The following GFRA1 variants were observed in gnomAD, a reference collection of about 807,000 sequenced individuals.
GFRA1 encodes GDNF family receptor alpha 1.
A neutral mutation model predicts 51.6 loss-of-function variants in GFRA1; 16 were observed. The ratio of observed to expected loss-of-function variants is 0.31; its 90% CI spans 0.21 to 0.47. GFRA1 has a LOEUF of 0.47. Ranked by LOEUF, GFRA1 falls within the 20% of genes least tolerant of loss-of-function variation. The pLI is 1.00. For synonymous variants in GFRA1, 270 were observed against 241.3 expected (o/e 1.12, Z -1.10); for missense variants, 530 against 594.3 (o/e 0.89, Z 1.13).
intron 4 of GFRA1, among the ~76,000 whole-genome samples, chr10:116,268,930 C>T (rs1224352206): frequency 6.6e-6 from 1 of 152,128 alleles, no homozygotes; most frequent in African/African-American, 2.4e-5. Context: ...TTAAAAGGGC[C>T]ATTGGGGCAG....
chr10:116,114,049 G>A (rs1957315767), intron 6 of GFRA1, among the ~76,000 whole-genome samples: 1 of 152,166 alleles, frequency 6.6e-6, no homozygotes, highest in Non-Finnish European at 1.5e-5. Context: ...GGGGAAGATG[G>A]GGTGATTCAC....
chr10:116,135,946 C>T (rs1958306047), intron 5 of GFRA1, among the ~76,000 whole-genome samples: 1 of 152,216 alleles, frequency 6.6e-6, no homozygotes, highest in Non-Finnish European at 1.5e-5. Context: ...GTTGCATCTT[C>T]AACCATGAAA....
At chr10:116,137,494 A>T (rs763912434) in intron 5 of GFRA1, among the ~76,000 whole-genome samples, 4 of 152,136 alleles carry the variant, frequency 2.6e-5, no homozygotes, top group Non-Finnish European at 5.9e-5. Context: ...CCTGCTTCCC[A>T]ATTAATACCC....
chr10:116,162,013 G>A (rs1199708992), intron 5 of GFRA1, among the ~76,000 whole-genome samples: 2 of 152,236 alleles, frequency 1.3e-5, no homozygotes, highest in Admixed American at 1.3e-4. Flanking sequence ...GCTGAGAAGA[G>A]GATAGTCTTC....
At chr10:116,191,042 C>G in intron 5 of GFRA1, among the ~76,000 whole-genome samples, 1 of 152,180 alleles carries the variant, frequency 6.6e-6, no homozygotes, top group Non-Finnish European at 1.5e-5. Context: ...AGGGCAATTG[C>G]CTGGTGCAAG....
At chr10:116,086,797 A>G (rs1956119659) in intron 9 of GFRA1, among the ~76,000 whole-genome samples, 1 of 152,114 alleles carries the variant, frequency 6.6e-6, no homozygotes, top group African/African-American at 2.4e-5. Flanking sequence ...GCCCAGAGAT[A>G]AACGTCATGC....
chr10:116,127,101 GA>G (rs56387404), intron 5 of GFRA1, among the ~76,000 whole-genome samples: 72,154 of 149,112 alleles, frequency 0.48, 18,480 homozygotes, highest in Admixed American at 0.61. Context: ...AGAAGAAAAT[GA>G]AAAAAAAAAA....
Position 116,213,797 on chromosome 10 carries a change from G to A in GFRA1, c.419-2152C>T, listed in dbSNP as rs538399063. On this transcript the variant is annotated intron_variant, in intron 4 of 10. Coordinates refer to ENST00000355422, the MANE Select transcript of GFRA1 (RefSeq NM_005264.8). ...GGCACACATGACCCCACAGGGAGTCGTTCATACTCCCAAGGGCACACTGAG... is the reference window on the plus strand; with the variant it reads ...GGCACACATGACCCCACAGGGAGTCATTCATACTCCCAAGGGCACACTGAG... Among the ~76,000 whole-genome samples, 181 of 152,224 alleles carry A rather than the reference G, an allele frequency of 1.2e-3. 1 individual carries two copies. The highest frequency in any genetic ancestry group is 4.0e-3 in the African/African-American group (168 of 41,556).
chr10:116,099,350 C>T (rs573366671), intron 6 of GFRA1, among the ~76,000 whole-genome samples: 2 of 152,134 alleles, frequency 1.3e-5, no homozygotes, highest in African/African-American at 2.4e-5. Context: ...TTTACTGGCA[C>T]GTCTCTATTT....
intron 5 of GFRA1, among the ~76,000 whole-genome samples, chr10:116,181,062 G>A (rs541589165): frequency 2.6e-5 from 4 of 152,156 alleles, no homozygotes; most frequent in Non-Finnish European, 5.9e-5. Context: ...CGCTCTTGAG[G>A]TGGATGACAA....
chr10:116,131,933 A>C (rs1589813305), intron 5 of GFRA1, among the ~76,000 whole-genome samples: 1 of 149,358 alleles, frequency 6.7e-6, no homozygotes. Context: ...AAGGCCAGGC[A>C]CAGTGGCTCA....
chr10:116,165,758 G>A (rs1960333004), intron 5 of GFRA1, among the ~76,000 whole-genome samples: 1 of 152,036 alleles, frequency 6.6e-6, no homozygotes, highest in Admixed American at 6.6e-5. Context: ...CTTGAAGGGA[G>A]AGGAAAATAG....
chr10:116,247,757 C>T (rs2134672818), intron 4 of GFRA1, among the ~76,000 whole-genome samples: 1 of 152,302 alleles, frequency 6.6e-6, no homozygotes, highest in Non-Finnish European at 1.5e-5. Flanking sequence ...CTCTCTGCCC[C>T]CTACCCTCCT....
intron 5 of GFRA1, among the ~76,000 whole-genome samples, chr10:116,128,440 A>G (rs956283837): frequency 2.0e-5 from 3 of 152,182 alleles, no homozygotes; most frequent in African/African-American, 7.2e-5. Flanking sequence ...AAATTGGCCT[A>G]GTGTGCCAGG....
intron 6 of GFRA1, among the ~76,000 whole-genome samples, chr10:116,110,692 G>T (rs923948933): frequency 3.3e-5 from 5 of 152,108 alleles, no homozygotes; most frequent in African/African-American, 9.7e-5. Flanking sequence ...CCTGGCCCAG[G>T]GTTCAAAAGG....
intron 4 of GFRA1, among the ~76,000 whole-genome samples, chr10:116,245,457 G>A (rs1967788508): frequency 6.6e-6 from 1 of 152,188 alleles, no homozygotes; most frequent in Non-Finnish European, 1.5e-5. Flanking sequence ...CAGAGCACCA[G>A]GGACTTTCCC....
At chr10:116,191,403 T>TTTTA (rs1157956561) in intron 5 of GFRA1, among the ~76,000 whole-genome samples, 3 of 152,152 alleles carry the variant, frequency 2.0e-5, no homozygotes, top group African/African-American at 7.2e-5. Context: ...AGATTCTGAG[T>TTTTA]TTTAAATTCA....
intron 4 of GFRA1, among the ~76,000 whole-genome samples, chr10:116,267,468 G>T (rs538554233): frequency 2.6e-5 from 4 of 151,394 alleles, no homozygotes; most frequent in Admixed American, 2.0e-4. Context: ...ACAAGACTTC[G>T]TCTCAAACAA....
intron 4 of GFRA1, among the ~76,000 whole-genome samples, chr10:116,236,982 T>C (rs1966916989): frequency 6.6e-6 from 1 of 152,246 alleles, no homozygotes; most frequent in South Asian, 2.1e-4. Flanking sequence ...CATTGAATAG[T>C]CACAACAAAC....
Sources: gnomAD v4.1 joint callset for allele counts (sites outside exome capture counted in the v4.1 genomes callset) on GRCh38, gnomAD v4.1.1 for gene constraint, MANE v1.5 for transcripts, NCBI Gene and HGNC (gene_info 2026-07-23, HGNC 2026-07-21) for gene names.